NODAL: variants seen among roughly 807,000 people sequenced by gnomAD.
NODAL encodes nodal growth differentiation factor.
Under a neutral mutation model 34.0 loss-of-function variants are expected in NODAL, and 12 were observed. The observed-to-expected ratio is 0.35, with a 90% confidence interval of 0.23 to 0.57. The LOEUF (loss-of-function observed/expected upper bound fraction) is 0.57, where lower values mean the gene tolerates loss of function less well. Ranked by LOEUF, NODAL falls within the 20% of genes least tolerant of loss-of-function variation. The probability of loss-of-function intolerance (pLI) is 0.83; values close to 1 mark genes in which losing one functional copy is unlikely to be tolerated. For synonymous variants in NODAL, 162 were observed against 186.4 expected (o/e 0.87, Z 1.07); for missense variants, 390 against 444.2 (o/e 0.88, Z 1.10).
chr10:70,443,176 C>G (rs1845451577), upstream of NODAL, among the ~76,000 whole-genome samples: 1 of 152,210 alleles, frequency 6.6e-6, no homozygotes, highest in South Asian at 2.1e-4. Flanking sequence ...AAAGGCCCAG[C>G]AGGCTCAACT....
In NODAL at chr10:70,435,601, C is replaced by T. The variant is rs202115021; in HGVS notation, c.576G>A (p.Val192=). 4.3e-6 allele frequency: 7 copies of T among 1,614,032 alleles called. No homozygotes were observed. The highest frequency in any genetic ancestry group is 5.9e-6 in the Non-Finnish European group (7 of 1,179,972). Residue 192 remains valine, a synonymous_variant, in exon 2 of 3, where the codon GTG becomes GTA. Transcript: ENST00000287139. ...AGAGGTTGGAGTAGAGCATAAGGAG[C>T]ACATTGGTGGCAGGCGGTGTGGGGG... ...PRPPTPPATN[V]LLMLYSNLSQ... is the part of the protein sequence containing the mutation.
At chr10:70,436,558 CAAAAAAAA>C (rs71472966) in intron 1 of NODAL, 3 of 96,858 alleles carry the variant, frequency 3.1e-5, no homozygotes, top group African/African-American at 1.2e-4. Context: ...AACTCTGTCT[CAAAAAAAA>C]AAAAAAAAAA....
chr10:70,436,021 G>T, intron 1 of NODAL, 38 bp from the exon 2 acceptor site: 1 of 1,564,142 alleles, frequency 6.4e-7, no homozygotes, highest in South Asian at 1.1e-5. Context: ...GAGGGTGAGT[G>T]AGGGCCTCCC....
chr10:70,436,425 T>C, intron 1 of NODAL: 1 of 253,790 alleles, frequency 3.9e-6, no homozygotes, highest in Non-Finnish European at 7.8e-6. Flanking sequence ...AATACAAAAT[T>C]AGCTGGGCGT....
chr10:70,445,532 A>G (rs1331046182), upstream of NODAL, among the ~76,000 whole-genome samples: 1 of 152,238 alleles, frequency 6.6e-6, no homozygotes, highest in East Asian at 1.9e-4. Context: ...TGCTGGGATT[A>G]CAGGCATGAG....
intron 1 of NODAL, among the ~76,000 whole-genome samples, chr10:70,447,675 G>A (rs1197942026): frequency 3.1e-5 from 1 of 32,734 alleles, no homozygotes; most frequent in African/African-American, 8.9e-5. Flanking sequence ...AAAAAAAAAA[G>A]AAGAAGAAGA....
chr10:70,438,167 A>C (rs1289805767), intron 1 of NODAL, among the ~76,000 whole-genome samples: 1 of 151,986 alleles, frequency 6.6e-6, no homozygotes, highest in African/African-American at 2.4e-5. Context: ...GGTGGTGCAC[A>C]CCTGTAATCC....
chr10:70,445,249 T>TTTAA (rs889345961), upstream of NODAL, among the ~76,000 whole-genome samples: 2 of 152,088 alleles, frequency 1.3e-5, no homozygotes, highest in African/African-American at 4.8e-5. Flanking sequence ...TTTTTTAATT[T>TTTAA]TTAATTAATT....
chr10:70,447,837 ACT>A, intron 1 of NODAL: 1 of 470,448 alleles, frequency 2.1e-6, no homozygotes, highest in Admixed American at 2.3e-5. Flanking sequence ...CTGGTTTATA[ACT>A]GCCCACTGTT....
intron 2 of NODAL, chr10:70,434,845 G>T: frequency 5.1e-6 from 1 of 197,122 alleles, no homozygotes; most frequent in Non-Finnish European, 1.1e-5. Flanking sequence ...ATATGGCATT[G>T]CCCTCCTCAT....
upstream of NODAL, among the ~76,000 whole-genome samples, chr10:70,443,933 C>CCT (rs1554850806): frequency 3.1e-4 from 45 of 143,754 alleles, 4 homozygotes; most frequent in Non-Finnish European, 3.5e-4. Context: ...GTTGACTCCC[C>CCT]TTTTTTTTTT....
Position 70,435,949 on chromosome 10 carries a change from A to G in NODAL, c.228T>C (p.Ala76=). The G allele has an allele frequency of 6.2e-7, 1 of 1,614,200 alleles. No individual in the cohort carries two copies. Among genetic ancestry groups the G allele is most frequent in the Non-Finnish European group, 8.5e-7 (1 of 1,180,034 alleles). Reference sequence around the variant, plus strand: ...GTTGGCTCAGGAAGGAGAAGTCAAAAGCAAACGTCCAGTTCTGCCCATCCA... The same window carrying G: ...GTTGGCTCAGGAAGGAGAAGTCAAAGGCAAACGTCCAGTTCTGCCCATCCA... ...VAVDGQNWTF[A]FDFSFLSQQE... The change falls in exon 2 of 3, where the codon GCT becomes GCC. Residue 76 remains alanine, a synonymous_variant. Transcript: ENST00000287139.
chr10:70,443,933 C>CTTT (rs560719151), upstream of NODAL, among the ~76,000 whole-genome samples: 9 of 143,888 alleles, frequency 6.3e-5, no homozygotes, highest in South Asian at 8.9e-4. Context: ...GTTGACTCCC[C>CTTT]TTTTTTTTTT....
chr10:70,439,908 T>C (rs1242519725), intron 1 of NODAL, among the ~76,000 whole-genome samples: 2 of 152,106 alleles, frequency 1.3e-5, no homozygotes, highest in Non-Finnish European at 1.5e-5. Context: ...CTGTGTCTAC[T>C]AAAAATATTA....
intron 1 of NODAL, 76 bp from the exon 2 acceptor site, chr10:70,436,059 A>G: frequency 8.0e-7 from 1 of 1,247,606 alleles, no homozygotes; most frequent in Non-Finnish European, 1.2e-6. Flanking sequence ...CACAACCACC[A>G]TAGCTCTTGC....
chr10:70,431,962 C>T lies in NODAL; in HGVS notation c.*974G>A, dbSNP rs1430054779. ...AAGCTCATGGCTCTTCTGAGCCTGA[C>T]AACAGACATTTAATATGAATGCATT... On this transcript the variant is annotated 3_prime_UTR_variant, in exon 3 of 3. Transcript: ENST00000287139. Among the ~76,000 whole-genome samples the T allele has an allele frequency of 6.6e-6, 1 of 152,216 alleles. No individual in the cohort carries two copies. Among genetic ancestry groups the T allele is most frequent in the Non-Finnish European group, 1.5e-5 (1 of 68,042 alleles).
chr10:70,445,324 C>T (rs1363061001), upstream of NODAL, among the ~76,000 whole-genome samples: 1 of 152,180 alleles, frequency 6.6e-6, no homozygotes, highest in Non-Finnish European at 1.5e-5. Context: ...GTGGTGCCAT[C>T]TCGGCTCACT....
chr10:70,438,114 A>C (rs1845380037), intron 1 of NODAL, among the ~76,000 whole-genome samples: 1 of 151,640 alleles, frequency 6.6e-6, no homozygotes, highest in Admixed American at 6.6e-5. Context: ...ACATGGTGAA[A>C]CCCTGTCTCT....
intron 1 of NODAL, among the ~76,000 whole-genome samples, chr10:70,441,104 G>A (rs1845424681): frequency 2.6e-5 from 4 of 152,240 alleles, no homozygotes; most frequent in Admixed American, 2.6e-4. Context: ...CTACAGATGC[G>A]CAGACCCAGG....
Sources: gnomAD v4.1 joint callset for allele counts (sites outside exome capture counted in the v4.1 genomes callset) on GRCh38, gnomAD v4.1.1 for gene constraint, MANE v1.5 for transcripts, NCBI Gene and HGNC (gene_info 2026-07-23, HGNC 2026-07-21) for gene names.